Variants in FAM110B observed in about 807,000 individuals in gnomAD.
The protein encoded by FAM110B is family with sequence similarity 110 member B.
A neutral mutation model predicts 20.4 loss-of-function variants in FAM110B; 6 were observed. That is an observed-to-expected ratio of 0.29 (90% confidence interval 0.16 to 0.58). The LOEUF (loss-of-function observed/expected upper bound fraction) is 0.58. FAM110B is among the 20% of genes least tolerant of loss of function. The pLI, the probability that FAM110B is intolerant of heterozygous loss-of-function variation, is 0.90. For synonymous variants in FAM110B, 226 were observed against 214.1 expected (o/e 1.06, Z -0.49); for missense variants, 434 against 498.2 (o/e 0.87, Z 1.23).
intron 1 of FAM110B, among the ~76,000 whole-genome samples, chr8:58,003,096 T>C (rs1488282863): frequency 6.6e-6 from 1 of 152,258 alleles, no homozygotes; most frequent in Non-Finnish European, 1.5e-5. Context: ...AAATTGTTTG[T>C]TGTCCTTTCA....
chr8:58,017,496 A>G lies in FAM110B; in HGVS notation c.-511-14110A>G, dbSNP rs368278929. On this transcript the variant is annotated intron_variant, in intron 1 of 3. Transcript: ENST00000519262. ...CTCAGGTACTCTTTACTATTGGTGAAGTGGAGAGCTTAGCTTTGCTCTCAA... is the reference window on the plus strand; with the variant it reads ...CTCAGGTACTCTTTACTATTGGTGAGGTGGAGAGCTTAGCTTTGCTCTCAA... Among the ~76,000 whole-genome samples the G allele has an allele frequency of 5.3e-5, 8 of 152,312 alleles. No homozygotes were observed. The South Asian group carries it at 6.2e-4, about 12-fold the overall frequency.
chr8:58,013,366 G>A (rs1475639183), intron 1 of FAM110B, among the ~76,000 whole-genome samples: 1 of 152,208 alleles, frequency 6.6e-6, no homozygotes, highest in African/African-American at 2.4e-5. Context: ...CTTATGGTGG[G>A]GAGTGGGTGT....
At chr8:58,027,796 G>A (rs1236406424) in intron 1 of FAM110B, among the ~76,000 whole-genome samples, 2 of 152,148 alleles carry the variant, frequency 1.3e-5, no homozygotes, top group Non-Finnish European at 2.9e-5. Context: ...TTATTACTGA[G>A]TAGTATTCCT....
chr8:58,104,486 G>C (rs984312548), intron 3 of FAM110B, among the ~76,000 whole-genome samples: 1 of 152,044 alleles, frequency 6.6e-6, no homozygotes, highest in South Asian at 2.1e-4. Context: ...AAAATATAGT[G>C]ATTGTAGATT....
intron 3 of FAM110B, among the ~76,000 whole-genome samples, chr8:58,133,392 G>A (rs536314383): frequency 1.4e-3 from 208 of 152,170 alleles, no homozygotes; most frequent in African/African-American, 4.4e-3. Context: ...TCTGCTGTCC[G>A]CCAGTATCTG....
At chr8:58,133,647 C>T (rs1803541728) in intron 3 of FAM110B, among the ~76,000 whole-genome samples, 1 of 152,162 alleles carries the variant, frequency 6.6e-6, no homozygotes, top group African/African-American at 2.4e-5. Flanking sequence ...TGGAGGCAGG[C>T]ATCAGAGAGC....
At chr8:58,140,658 A>G (rs1803720749) in intron 3 of FAM110B, among the ~76,000 whole-genome samples, 1 of 152,160 alleles carries the variant, frequency 6.6e-6, no homozygotes, top group Admixed American at 6.5e-5. Flanking sequence ...TACCCAATAA[A>G]ATCCAAAGTC....
intron 1 of FAM110B, among the ~76,000 whole-genome samples, chr8:58,013,499 T>C (rs1054675668): frequency 2.6e-5 from 4 of 152,166 alleles, no homozygotes; most frequent in Non-Finnish European, 2.9e-5. Flanking sequence ...GTTCACCACA[T>C]TGCTGAATCC....
At chr8:58,065,761 G>A (rs542555310) in intron 2 of FAM110B, among the ~76,000 whole-genome samples, 1 of 152,198 alleles carries the variant, frequency 6.6e-6, no homozygotes, top group East Asian at 1.9e-4. Context: ...GACCATTTCC[G>A]TATCTGTAAG....
At chr8:58,054,099 G>T (rs981850016) in intron 2 of FAM110B, among the ~76,000 whole-genome samples, 7 of 152,180 alleles carry the variant, frequency 4.6e-5, no homozygotes, top group African/African-American at 1.7e-4. Flanking sequence ...CCTTTGATTG[G>T]CCAAAACTCA....
rs572319964 is a variant in FAM110B at position 58,066,463 on chromosome 8, AG to A, written c.-413-9071del. ...TGCCCATGGCCTTTGGAGCAGCAGG[AG>A]TGACTTCCAGCAGCCAGTTTCAGTC... On this transcript the variant is annotated intron_variant, in intron 2 of 3. Coordinates refer to ENST00000519262, the MANE Select transcript of FAM110B (RefSeq NM_001377989.1). Among the ~76,000 whole-genome samples the A allele has an allele frequency of 7.2e-5, 11 of 152,242 alleles. No homozygotes were observed. In the East Asian group the frequency reaches 2.1e-3, roughly 29 times the overall value.
intron 3 of FAM110B, among the ~76,000 whole-genome samples, chr8:58,121,312 G>T (rs1413143660): frequency 6.6e-6 from 1 of 152,122 alleles, no homozygotes; most frequent in Non-Finnish European, 1.5e-5. Flanking sequence ...TTCTCCTGTG[G>T]GTCTCAGAAG....
chr8:58,146,868 A>T lies in FAM110B; in HGVS notation c.638A>T (p.Lys213Met). The part of the protein sequence containing the change: ...IRKVTSVKPL[K>M]AIPCSSSAPP... ...AAGGTGACCAGCGTGAAGCCCCTCAAGGCCATCCCCTGCAGTAGCTCTGCC... is the reference window on the plus strand; with the variant it reads ...AAGGTGACCAGCGTGAAGCCCCTCATGGCCATCCCCTGCAGTAGCTCTGCC... Residue 213 changes from lysine to methionine, a missense_variant, in exon 4 of 4, where the codon AAG becomes ATG. Coordinates refer to ENST00000519262, the MANE Select transcript of FAM110B (RefSeq NM_001377989.1). 6.2e-7 allele frequency: 1 copy of T among 1,614,090 alleles called. No homozygotes were observed.
chr8:58,096,865 T>C (rs1806645983), intron 3 of FAM110B, among the ~76,000 whole-genome samples: 1 of 152,216 alleles, frequency 6.6e-6, no homozygotes, highest in Non-Finnish European at 1.5e-5. Context: ...TGTTGAATAT[T>C]GGCCCCCAGT....
intron 1 of FAM110B, among the ~76,000 whole-genome samples, chr8:58,007,597 G>A (rs1483352522): frequency 6.6e-6 from 1 of 152,186 alleles, no homozygotes; most frequent in African/African-American, 2.4e-5. Flanking sequence ...TGAGGGTGGA[G>A]CCCTTATGAA....
intron 1 of FAM110B, among the ~76,000 whole-genome samples, chr8:58,010,487 G>T (rs533370217): frequency 1.1e-3 from 173 of 152,288 alleles, no homozygotes; most frequent in South Asian, 2.3e-3. Context: ...TCTGCCCCAT[G>T]AGCCATACTC....
rs145892427 is a variant in FAM110B at position 58,073,556 on chromosome 8, T to C, written c.-413-1979T>C. Among the ~76,000 whole-genome samples the C allele has an allele frequency of 5.2e-3, 789 of 152,344 alleles. 19 individuals carry two copies. Among genetic ancestry groups the C allele is most frequent in the Non-Finnish European group, 1.3e-3 (86 of 68,036 alleles). On this transcript the variant is annotated intron_variant, in intron 2 of 3. Transcript: ENST00000519262. ...TCAGAATACACATTAGGTTGTTGCA[T>C]GGAAATATGTTAATAGATTTACATC...
intron 3 of FAM110B, among the ~76,000 whole-genome samples, chr8:58,129,974 A>G (rs1210369869): frequency 2.0e-5 from 3 of 151,894 alleles, no homozygotes; most frequent in Non-Finnish European, 2.9e-5. Context: ...TTCTGCCTTC[A>G]TGTTCTGTCT....
intron 3 of FAM110B, among the ~76,000 whole-genome samples, chr8:58,105,611 C>T (rs998412460): frequency 7.1e-6 from 1 of 141,550 alleles, no homozygotes; most frequent in African/African-American, 2.7e-5. Flanking sequence ...CTCTGTCGCC[C>T]AGGCTGGAGT....
Sources: gnomAD v4.1 joint callset for allele counts (sites outside exome capture counted in the v4.1 genomes callset) on GRCh38, gnomAD v4.1.1 for gene constraint, MANE v1.5 for transcripts, NCBI Gene and HGNC (gene_info 2026-07-23, HGNC 2026-07-21) for gene names.